PPP2R2B: variants seen among roughly 807,000 people sequenced by gnomAD.
PPP2R2B encodes the protein protein phosphatase 2 regulatory subunit Bbeta, also known as serine/threonine-protein phosphatase 2A 55 kDa regulatory subunit B beta isoform.
Under a neutral mutation model 46.0 loss-of-function variants are expected in PPP2R2B, and 5 were observed. That is an observed-to-expected ratio of 0.11 (90% confidence interval 0.06 to 0.23). The LOEUF (loss-of-function observed/expected upper bound fraction) is 0.23, where lower values mean the gene tolerates loss of function less well. PPP2R2B is among the 10% of genes least tolerant of loss of function. The pLI, the probability that PPP2R2B is intolerant of heterozygous loss-of-function variation, is 1.00. For synonymous variants in PPP2R2B, 215 were observed against 206.7 expected (o/e 1.04, Z -0.34); for missense variants, 367 against 575.0 (o/e 0.64, Z 3.70).
At chr5:146,719,860 A>T (rs1780699596) in intron 2 of PPP2R2B, among the ~76,000 whole-genome samples, 1 of 151,420 alleles carries the variant, frequency 6.6e-6, no homozygotes, top group South Asian at 2.1e-4. Flanking sequence ...CAGTTTCTTT[A>T]GAAAAATGAA....
intron 5 of PPP2R2B, among the ~76,000 whole-genome samples, chr5:146,677,907 C>T (rs1195243717): frequency 2.6e-5 from 4 of 152,166 alleles, no homozygotes; most frequent in African/African-American, 9.7e-5. Context: ...ACATGTCCAT[C>T]ATGACTATAT....
chr5:146,703,321 G>C (rs1779650430), intron 2 of PPP2R2B, among the ~76,000 whole-genome samples: 1 of 152,166 alleles, frequency 6.6e-6, no homozygotes, highest in Admixed American at 6.5e-5. Context: ...ACATTTCTCA[G>C]AAAGAAAGAG....
At chr5:146,721,185 C>T (rs1409548220) in intron 2 of PPP2R2B, among the ~76,000 whole-genome samples, 2 of 152,184 alleles carry the variant, frequency 1.3e-5, no homozygotes, top group Non-Finnish European at 2.9e-5. Context: ...TTCTCTGCCT[C>T]TAATATGACC....
intron 2 of PPP2R2B, among the ~76,000 whole-genome samples, chr5:146,762,793 G>A (rs1266126508): frequency 6.6e-6 from 1 of 152,184 alleles, no homozygotes; most frequent in Non-Finnish European, 1.5e-5. Flanking sequence ...TAATTGTTGT[G>A]GTCAAGAGGC....
chr5:146,725,887 G>A (rs1221633179), intron 2 of PPP2R2B, among the ~76,000 whole-genome samples: 1 of 152,174 alleles, frequency 6.6e-6, no homozygotes, highest in African/African-American at 2.4e-5. Context: ...TGTACCTTGT[G>A]CCTAGCATGG....
At chr5:146,746,901 A>G (rs1753224294) in intron 2 of PPP2R2B, among the ~76,000 whole-genome samples, 2 of 152,214 alleles carry the variant, frequency 1.3e-5, no homozygotes, top group Non-Finnish European at 2.9e-5. Flanking sequence ...CAGGAAGGCC[A>G]ACCTAACAAG....
chr5:146,973,668 A>T (rs1752765533), intron 1 of PPP2R2B, among the ~76,000 whole-genome samples: 2 of 152,182 alleles, frequency 1.3e-5, no homozygotes, highest in South Asian at 4.1e-4. Flanking sequence ...ATGAGAGGAG[A>T]TAGTATTTGA....
chr5:146,628,180 A>G (rs1396252017), intron 7 of PPP2R2B, among the ~76,000 whole-genome samples: 2 of 152,062 alleles, frequency 1.3e-5, no homozygotes, highest in Non-Finnish European at 2.9e-5. Flanking sequence ...CCTGACTTAA[A>G]GTGATCTGCC....
intron 1 of PPP2R2B, among the ~76,000 whole-genome samples, chr5:146,893,642 C>T (rs553159509): frequency 5.3e-5 from 8 of 152,046 alleles, no homozygotes; most frequent in African/African-American, 1.7e-4. Context: ...GGTGAAAACC[C>T]GTCTCTACTA....
chr5:147,044,732 G>A (rs1024405322), intron 1 of PPP2R2B, among the ~76,000 whole-genome samples: 1 of 152,142 alleles, frequency 6.6e-6, no homozygotes, highest in South Asian at 2.1e-4. Context: ...AAGACTGACT[G>A]TTGGTCAACT....
chr5:146,968,762 G>A (rs1246524339), intron 1 of PPP2R2B, among the ~76,000 whole-genome samples: 1 of 152,186 alleles, frequency 6.6e-6, no homozygotes, highest in Non-Finnish European at 1.5e-5. Flanking sequence ...GTGCAAATAA[G>A]ACCATCGTGG....
intron 6 of PPP2R2B, among the ~76,000 whole-genome samples, chr5:146,644,722 TG>T (rs1373293046): frequency 2.0e-5 from 3 of 152,194 alleles, no homozygotes; most frequent in Non-Finnish European, 4.4e-5. Context: ...TGCCTATAAA[TG>T]GGTGTAACCC....
intron 2 of PPP2R2B, among the ~76,000 whole-genome samples, chr5:146,830,868 T>A (rs1414899498): frequency 6.6e-6 from 1 of 152,226 alleles, no homozygotes; most frequent in East Asian, 1.9e-4. Context: ...AATTATGTAC[T>A]GCATAACAAT....
At chr5:146,817,089 T>C (rs545846414) in intron 2 of PPP2R2B, among the ~76,000 whole-genome samples, 11 of 152,270 alleles carry the variant, frequency 7.2e-5, no homozygotes, top group African/African-American at 2.6e-4. Flanking sequence ...GGTGGCTTTG[T>C]AAAACCTCAG....
intron 1 of PPP2R2B, among the ~76,000 whole-genome samples, chr5:146,974,253 G>C (rs561034842): frequency 1.4e-4 from 22 of 152,202 alleles, no homozygotes; most frequent in Non-Finnish European, 1.9e-4. Flanking sequence ...TGAACTAATA[G>C]TACTTTCTGT....
rs1014085744 is a variant in PPP2R2B at position 146,871,162 on chromosome 5, C to T, written c.70+6840G>A. Among the ~76,000 whole-genome samples, 7 of 152,186 alleles carry T rather than the reference C, an allele frequency of 4.6e-5. No homozygotes were observed. In the East Asian group the frequency reaches 5.8e-4, roughly 13 times the overall value. ...ATGACAAGTTGGGTGAAAGCAAAAT[C>T]GTCTTCTTATTAATGGAAGATGAGG... On this transcript the variant is annotated intron_variant, in intron 2 of 9. Coordinates refer to ENST00000394411, the MANE Select transcript of PPP2R2B (RefSeq NM_181675.4).
rs774605276 is a variant in PPP2R2B, at chr5:147,072,237, T to C, written c.50+8822A>G. Among the ~76,000 whole-genome samples the C allele has an allele frequency of 6.0e-4, 92 of 152,364 alleles. 4 individuals are homozygous for C. The highest frequency in any genetic ancestry group is 3.4e-3 in the Middle Eastern group (1 of 294). On this transcript the variant is annotated intron_variant, in intron 2 of 10. Coordinates refer to the PPP2R2B transcript ENST00000394413. ...CAATGTGGGATTATAAGACTGATTC[T>C]AGTTATGTCCTATGGGTTATAAGAT...
intron 2 of PPP2R2B, among the ~76,000 whole-genome samples, chr5:146,781,174 AT>A (rs1250577443): frequency 8.1e-6 from 1 of 123,438 alleles, no homozygotes; most frequent in Non-Finnish European, 1.7e-5. Flanking sequence ...ATATATATAT[AT>A]AAAATTATTC....
intron 1 of PPP2R2B, among the ~76,000 whole-genome samples, chr5:146,952,995 C>A (rs1482471548): frequency 6.6e-6 from 1 of 152,140 alleles, no homozygotes; most frequent in Non-Finnish European, 1.5e-5. Flanking sequence ...TAAAACCCAT[C>A]TCTGAGGTTA....
Sources: gnomAD v4.1 joint callset for allele counts (sites outside exome capture counted in the v4.1 genomes callset) on GRCh38, gnomAD v4.1.1 for gene constraint, MANE v1.5 for transcripts, NCBI Gene and HGNC (gene_info 2026-07-23, HGNC 2026-07-21) for gene names.